Variants in VGLL4 observed in about 807,000 individuals in gnomAD.
VGLL4 encodes vestigial like family member 4, also known as transcription cofactor vestigial-like protein 4.
Under a neutral mutation model 21.0 loss-of-function variants are expected in VGLL4, and 7 were observed. The ratio of observed to expected loss-of-function variants is 0.33; its 90% confidence interval spans 0.19 to 0.63. VGLL4 has a LOEUF of 0.63. Among genes scored for constraint, VGLL4 ranks in the 20% least tolerant of loss-of-function variants. The pLI, the probability that VGLL4 is intolerant of heterozygous loss-of-function variation, is 0.78. For synonymous variants in VGLL4, 222 were observed against 173.2 expected, an observed-to-expected ratio of 1.28 and a Z score of -2.21; for missense variants, 394 against 425.7, an observed-to-expected ratio of 0.93 and a Z score of 0.66.
chr3:11,578,895 G>C (rs554664198), intron 2 of VGLL4, among the ~76,000 whole-genome samples: 4 of 151,762 alleles, frequency 2.6e-5, no homozygotes, highest in Non-Finnish European at 5.9e-5. Context: ...GACTACAAGC[G>C]CCCGCCACCA....
intron 2 of VGLL4, among the ~76,000 whole-genome samples, chr3:11,593,815 C>T (rs1468991134): frequency 6.6e-6 from 1 of 152,186 alleles, no homozygotes; most frequent in East Asian, 1.9e-4. Context: ...GTTTCAAAGG[C>T]CCCCCATCAG....
intron 2 of VGLL4, among the ~76,000 whole-genome samples, chr3:11,578,836 A>AGGTTCACG: frequency 6.7e-6 from 1 of 149,146 alleles, no homozygotes; most frequent in South Asian, 2.1e-4. Context: ...CGCAAGCTCC[A>AGGTTCACG]CCTCCCAGGT....
At chr3:11,649,895 A>G (rs73814969) in intron 2 of VGLL4, among the ~76,000 whole-genome samples, 2,780 of 144,622 alleles carry the variant, frequency 0.019, 78 homozygotes, top group African/African-American at 0.069. Context: ...CAAGTGCTCT[A>G]TTTGGTTTGG....
At chr3:11,624,515 G>A (rs1044968497) in intron 1 of VGLL4, among the ~76,000 whole-genome samples, 1 of 152,006 alleles carries the variant, frequency 6.6e-6, no homozygotes, top group African/African-American at 2.4e-5. Flanking sequence ...AAATAATGAC[G>A]TCTTTCTCTA....
intron 2 of VGLL4, among the ~76,000 whole-genome samples, chr3:11,650,382 C>G (rs1156449537): frequency 6.6e-6 from 1 of 152,170 alleles, no homozygotes; most frequent in Non-Finnish European, 1.5e-5. Flanking sequence ...TAGAATAGAT[C>G]ACCAAAACTG....
chr3:11,657,111 C>T (rs1164921875), intron 2 of VGLL4, among the ~76,000 whole-genome samples: 1 of 152,134 alleles, frequency 6.6e-6, no homozygotes, highest in African/African-American at 2.4e-5. Flanking sequence ...GTTCCCAGGC[C>T]ATAACCTTTG....
At chr3:11,717,198 G>T (rs1274966093) in intron 1 of VGLL4, among the ~76,000 whole-genome samples, 11 of 149,752 alleles carry the variant, frequency 7.3e-5, no homozygotes, top group Non-Finnish European at 1.3e-4. Flanking sequence ...TTGAGACGGA[G>T]TTTCACAATT....
At chr3:11,601,234 G>A (rs1242261636) in intron 2 of VGLL4, among the ~76,000 whole-genome samples, 1 of 152,238 alleles carries the variant, frequency 6.6e-6, no homozygotes, top group Non-Finnish European at 1.5e-5. Flanking sequence ...CAAGAAGGTA[G>A]ACAGTGTCAG....
intron 2 of VGLL4, among the ~76,000 whole-genome samples, chr3:11,575,732 C>T (rs2074019232): frequency 6.6e-6 from 1 of 152,174 alleles, no homozygotes; most frequent in African/African-American, 2.4e-5. Context: ...CTATGGTGGC[C>T]CAAAAAGCCA....
At chr3:11,665,882 A>G (rs1251105305) in intron 2 of VGLL4, among the ~76,000 whole-genome samples, 1 of 152,216 alleles carries the variant, frequency 6.6e-6, no homozygotes, top group South Asian at 2.1e-4. Context: ...TAGGGGCAAG[A>G]GACAAGGAAG....
chr3:11,658,710 C>G (rs974952976), intron 2 of VGLL4, among the ~76,000 whole-genome samples: 3 of 151,232 alleles, frequency 2.0e-5, no homozygotes, highest in African/African-American at 7.3e-5. Context: ...CCTAAATTCT[C>G]ACTCATAAAT....
At chr3:11,668,504 G>C (rs2076159143) in intron 2 of VGLL4, among the ~76,000 whole-genome samples, 1 of 152,064 alleles carries the variant, frequency 6.6e-6, no homozygotes, top group Non-Finnish European at 1.5e-5. Context: ...AGACTCTTTG[G>C]GGCCCAGGAA....
chr3:11,598,430 C>A (rs985061569), intron 2 of VGLL4, among the ~76,000 whole-genome samples: 6 of 152,078 alleles, frequency 3.9e-5, no homozygotes, highest in African/African-American at 1.4e-4. Flanking sequence ...AAACCGTGCA[C>A]CTTTCAGGCC....
intron 2 of VGLL4, among the ~76,000 whole-genome samples, chr3:11,582,645 C>T (rs1311194232): frequency 6.6e-6 from 1 of 152,302 alleles, no homozygotes; most frequent in Non-Finnish European, 1.5e-5. Context: ...CTCCATCTTC[C>T]ATAACATAAG....
chr3:11,590,663 AGT>A (rs10592668), intron 2 of VGLL4, among the ~76,000 whole-genome samples: 84,594 of 147,108 alleles, frequency 0.58, 26,062 homozygotes, highest in Non-Finnish European at 0.71. Flanking sequence ...CAAAATGAAG[AGT>A]GTGTGTGTGT....
At chr3:11,682,793 T>C (rs1393323275) in intron 2 of VGLL4, among the ~76,000 whole-genome samples, 1 of 152,062 alleles carries the variant, frequency 6.6e-6, no homozygotes, top group African/African-American at 2.4e-5. Context: ...TCAGGAATCT[T>C]GCAAAGGGAA....
chr3:11,711,378 C>T (rs1475858301), intron 1 of VGLL4, among the ~76,000 whole-genome samples: 1 of 152,026 alleles, frequency 6.6e-6, no homozygotes, highest in East Asian at 1.9e-4. Context: ...TCCCGGCTAA[C>T]ATGGTGAAAC....
At chr3:11,586,141 T>TA (rs1379137247) in intron 2 of VGLL4, among the ~76,000 whole-genome samples, 2 of 152,206 alleles carry the variant, frequency 1.3e-5, no homozygotes, top group East Asian at 3.8e-4. Flanking sequence ...TAAAAAATCT[T>TA]AAAGTATAAA....
chr3:11,626,030 G>A (rs141729699), intron 1 of VGLL4, among the ~76,000 whole-genome samples: 9 of 152,278 alleles, frequency 5.9e-5, no homozygotes, highest in African/African-American at 2.2e-4. Flanking sequence ...TTAAACGAAT[G>A]AATGGCATGG....
Sources: gnomAD v4.1 joint callset for allele counts (sites outside exome capture counted in the v4.1 genomes callset) on GRCh38, gnomAD v4.1.1 for gene constraint, MANE v1.5 for transcripts, NCBI Gene and HGNC (gene_info 2026-07-23, HGNC 2026-07-21) for gene names.